The following RORA variants were observed in gnomAD, a reference collection of about 807,000 sequenced individuals.
The protein encoded by RORA is RAR related orphan receptor A.
RORA carries 7 observed loss-of-function variants against 69.5 expected under a neutral mutation model. The ratio of observed to expected loss-of-function variants is 0.10; its 90% CI spans 0.06 to 0.19. RORA has a LOEUF of 0.19. Among genes scored for constraint, RORA ranks in the 10% least tolerant of loss-of-function variants. RORA has a pLI of 1.00. For synonymous variants in RORA, 261 were observed against 240.8 expected, an observed-to-expected ratio of 1.08 and a Z score of -0.78; for missense variants, 457 against 663.0, an observed-to-expected ratio of 0.69 and a Z score of 3.41.
At position 60,948,015 on chromosome 15, in the gene RORA, T is replaced by A. The variant is rs1892951763; in HGVS notation, c.167-269329A>T. On this transcript the variant is annotated intron_variant, in intron 1 of 10. Coordinates refer to ENST00000335670, the MANE Select transcript of RORA (RefSeq NM_134261.3). ...ATGATGCCTTGATGATTTCCTTGGA[T>A]GTCATGGCTAAGCCATTGTTTTTTG... Among the ~76,000 whole-genome samples the A allele has an allele frequency of 2.0e-5, 3 of 152,286 alleles. No individual in the cohort carries two copies. The South Asian group carries it at 6.2e-4, about 32-fold the overall frequency.
chr15:60,765,090 C>T (rs939224606), intron 1 of RORA: 1 of 151,980 alleles, frequency 6.6e-6, no homozygotes, highest in African/African-American at 2.4e-5. Context: ...TCTGAAATGC[C>T]TACAGTAGAA....
intron 2 of RORA, chr15:60,593,096 GAGT>G (rs988215237): frequency 5.8e-6 from 2 of 342,000 alleles, no homozygotes; most frequent in African/African-American, 4.5e-5. Context: ...CCGGGGAGTG[GAGT>G]AAGCTCCTCC....
chr15:60,937,522 C>CTGCA (rs1595829185), intron 1 of RORA, among the ~76,000 whole-genome samples: 1 of 152,278 alleles, frequency 6.6e-6, no homozygotes, highest in East Asian at 1.9e-4. Flanking sequence ...AGTTCAAAGC[C>CTGCA]TGCACAATTC....
chr15:60,920,723 G>A (rs1358994797), intron 1 of RORA, among the ~76,000 whole-genome samples: 1 of 152,144 alleles, frequency 6.6e-6, no homozygotes, highest in African/African-American at 2.4e-5. Flanking sequence ...CAAATCTTCA[G>A]GTACACCAAA....
chr15:60,951,679 AG>A (rs1362742563), intron 1 of RORA, among the ~76,000 whole-genome samples: 1 of 152,196 alleles, frequency 6.6e-6, no homozygotes, highest in Non-Finnish European at 1.5e-5. Context: ...CAAATAAACT[AG>A]AAAATCTAGA....
intron 1 of RORA, among the ~76,000 whole-genome samples, chr15:60,797,962 T>A (rs1040770523): frequency 3.9e-5 from 6 of 152,120 alleles, no homozygotes; most frequent in African/African-American, 1.4e-4. Context: ...ACCAGATGTG[T>A]AGAAGATTAA....
At chr15:61,209,607 G>C (rs908595805) in intron 1 of RORA, among the ~76,000 whole-genome samples, 5 of 152,202 alleles carry the variant, frequency 3.3e-5, no homozygotes, top group African/African-American at 1.2e-4. Context: ...GGGGCCTCTA[G>C]AAATGTGAGA....
In RORA at chr15:61,060,021, A is replaced by G. The variant is rs141983217; in HGVS notation, c.166+169032T>C. Among the ~76,000 whole-genome samples, 18 of 142,636 alleles carry G rather than the reference A, an allele frequency of 1.3e-4. No homozygotes were observed. In the East Asian group the frequency reaches 1.7e-3, roughly 13 times the overall value. The allele number at this position is 142,636 out of a possible 152,430, so 93.6% of individuals were successfully genotyped here. A position where few individuals can be genotyped will look rare whatever the true frequency, so the allele number is the denominator to read the frequency against. ...AAGAAGAAGAAGAAGAAGAAGAAGA[A>G]GAAGAAGAAGAAGAAGAAGAAGAAG... is the stretch of plus-strand genomic sequence containing the variant. On this transcript the variant is annotated intron_variant, in intron 1 of 10. Transcript: ENST00000335670.
intron 1 of RORA, among the ~76,000 whole-genome samples, chr15:60,851,776 GA>G (rs2073327635): frequency 1.3e-5 from 2 of 148,914 alleles, no homozygotes; most frequent in Admixed American, 6.7e-5. Flanking sequence ...GAGAGAGAGA[GA>G]TTTTTTTTTT....
At chr15:60,655,764 C>A (rs909516504) in intron 2 of RORA, among the ~76,000 whole-genome samples, 1 of 152,274 alleles carries the variant, frequency 6.6e-6, no homozygotes, top group East Asian at 1.9e-4. Flanking sequence ...CAGACACAGA[C>A]ACATGTATTT....
At chr15:60,915,405 C>T (rs1052443221) in intron 1 of RORA, among the ~76,000 whole-genome samples, 1 of 152,188 alleles carries the variant, frequency 6.6e-6, no homozygotes, top group African/African-American at 2.4e-5. Context: ...GGCACAGGCC[C>T]CAGTGCAGAG....
At chr15:60,769,827 C>A (rs1466256652) in intron 1 of RORA, among the ~76,000 whole-genome samples, 1 of 152,174 alleles carries the variant, frequency 6.6e-6, no homozygotes, top group Non-Finnish European at 1.5e-5. Context: ...CAATTTCTTC[C>A]AACCCTGTTT....
chr15:61,037,463 A>G (rs1371747575), intron 1 of RORA, among the ~76,000 whole-genome samples: 1 of 152,234 alleles, frequency 6.6e-6, no homozygotes, highest in East Asian at 1.9e-4. Flanking sequence ...AATCTCCTGT[A>G]GCACAATATA....
At chr15:60,889,083 C>T (rs75979013) in intron 1 of RORA, among the ~76,000 whole-genome samples, 1,771 of 152,350 alleles carry the variant, frequency 0.012, 22 homozygotes, top group Non-Finnish European at 0.019. Context: ...TCTGCCACCC[C>T]TAGCCCCGTG....
At chr15:60,604,880 A>T (rs958350260) in intron 2 of RORA, among the ~76,000 whole-genome samples, 2 of 152,222 alleles carry the variant, frequency 1.3e-5, no homozygotes, top group Non-Finnish European at 2.9e-5. Flanking sequence ...CAGGCAATAA[A>T]CATGAAACCC....
chr15:60,514,899 T>C (rs2065812840), intron 3 of RORA, 142 bp from the exon 4 acceptor site: 2 of 622,640 alleles, frequency 3.2e-6, no homozygotes, highest in Non-Finnish European at 5.4e-6. Context: ...AGACCATTAA[T>C]GAAATTAAAG....
At chr15:60,701,794 G>T (rs1651560039) in intron 1 of RORA, among the ~76,000 whole-genome samples, 1 of 152,140 alleles carries the variant, frequency 6.6e-6, no homozygotes, top group Non-Finnish European at 1.5e-5. Context: ...GACCTCAGAA[G>T]TCTGGAGGGA....
intron 1 of RORA, among the ~76,000 whole-genome samples, chr15:60,829,729 C>A (rs1567205850): frequency 6.6e-6 from 1 of 152,190 alleles, no homozygotes; most frequent in Non-Finnish European, 1.5e-5. Context: ...TCACAGAGCA[C>A]CAGAAAACTC....
intron 1 of RORA, among the ~76,000 whole-genome samples, chr15:61,104,746 G>A (rs1049456061): frequency 1.3e-5 from 2 of 152,076 alleles, no homozygotes; most frequent in Admixed American, 6.6e-5. Context: ...TTAGCATGGA[G>A]CCCTCTTCTT....
Sources: allele counts gnomAD v4.1 joint callset (sites outside exome capture counted in the v4.1 genomes callset), GRCh38; gene constraint gnomAD v4.1.1; transcripts MANE v1.5; gene names NCBI Gene and HGNC (gene_info 2026-07-23, HGNC 2026-07-21).